Variants in PDGFC observed in about 807,000 individuals in gnomAD.
PDGFC encodes platelet-derived growth factor C.
Under a neutral mutation model 35.5 loss-of-function variants are expected in PDGFC, and 12 were observed. The ratio of observed to expected loss-of-function variants is 0.34; its 90% CI spans 0.22 to 0.55. PDGFC has a LOEUF of 0.55. Ranked by LOEUF, PDGFC falls within the 20% of genes least tolerant of loss-of-function variation. The pLI, the probability that PDGFC is intolerant of heterozygous loss-of-function variation, is 0.91. For missense variants in PDGFC, 322 were observed against 412.4 expected (o/e 0.78, Z 1.90); for synonymous variants, 159 against 148.8 (o/e 1.07, Z -0.50).
intron 1 of PDGFC, among the ~76,000 whole-genome samples, chr4:156,902,969 T>C (rs920223360): frequency 2.0e-5 from 3 of 152,076 alleles, no homozygotes; most frequent in African/African-American, 4.8e-5. Flanking sequence ...TGAAAATCGA[T>C]TGATAGAGCC....
At chr4:156,838,730 A>G (rs1729127800) in intron 2 of PDGFC, among the ~76,000 whole-genome samples, 1 of 152,190 alleles carries the variant, frequency 6.6e-6, no homozygotes, top group South Asian at 2.1e-4. Context: ...TCACTTGCTG[A>G]TATGATTTGG....
chr4:156,821,698 C>T (rs6842012), intron 2 of PDGFC, among the ~76,000 whole-genome samples: 1 of 152,080 alleles, frequency 6.6e-6, no homozygotes. Flanking sequence ...CAGGTGTGCA[C>T]CACCATGGCC....
intron 1 of PDGFC, among the ~76,000 whole-genome samples, chr4:156,916,212 G>A (rs907834729): frequency 6.6e-6 from 1 of 152,024 alleles, no homozygotes; most frequent in Admixed American, 6.6e-5. Flanking sequence ...AGGCCTTTAC[G>A]ATATTTACAG....
chr4:156,922,200 G>GTGCATC (rs1731302475), intron 1 of PDGFC, among the ~76,000 whole-genome samples: 5 of 151,432 alleles, frequency 3.3e-5, no homozygotes, highest in African/African-American at 1.2e-4. Context: ...GTGCATCTGT[G>GTGCATC]TGTGTGTGTA....
intron 1 of PDGFC, among the ~76,000 whole-genome samples, chr4:156,899,990 A>C (rs574955866): frequency 7.9e-5 from 12 of 152,174 alleles, no homozygotes; most frequent in Non-Finnish European, 1.8e-4. Context: ...ACTTATCATA[A>C]TTCATTTATA....
chr4:156,867,774 AT>A, intron 1 of PDGFC, among the ~76,000 whole-genome samples: 1 of 152,328 alleles, frequency 6.6e-6, no homozygotes. Context: ...AAAACTGAAA[AT>A]ATGAAACCCC....
intron 3 of PDGFC, among the ~76,000 whole-genome samples, chr4:156,778,922 G>A (rs927677573): frequency 4.6e-5 from 7 of 152,188 alleles, no homozygotes; most frequent in Non-Finnish European, 8.8e-5. Context: ...GGTTAGGAAT[G>A]CAGATTAGGT....
intron 1 of PDGFC, among the ~76,000 whole-genome samples, chr4:156,885,397 T>C (rs1730352196): frequency 6.6e-6 from 1 of 152,166 alleles, no homozygotes; most frequent in Admixed American, 6.5e-5. Context: ...AAAATGAAAA[T>C]TTTAAAATTT....
At chr4:156,900,113 T>C (rs1730731648) in intron 1 of PDGFC, among the ~76,000 whole-genome samples, 1 of 152,236 alleles carries the variant, frequency 6.6e-6, no homozygotes, top group Non-Finnish European at 1.5e-5. Flanking sequence ...CCTCCTCATC[T>C]ACCCAGTCAT....
intron 3 of PDGFC, among the ~76,000 whole-genome samples, chr4:156,792,225 T>C (rs1382829094): frequency 2.0e-5 from 3 of 152,104 alleles, no homozygotes; most frequent in Admixed American, 1.3e-4. Context: ...AATACTAATA[T>C]CTATATAATA....
chr4:156,846,408 T>C (rs963875002), intron 2 of PDGFC, among the ~76,000 whole-genome samples: 1 of 151,718 alleles, frequency 6.6e-6, no homozygotes, highest in African/African-American at 2.4e-5. Flanking sequence ...AGAGATCTAA[T>C]TATGAAGAAA....
intron 1 of PDGFC, among the ~76,000 whole-genome samples, chr4:156,871,606 C>T (rs1306519636): frequency 6.6e-6 from 1 of 151,790 alleles, no homozygotes; most frequent in Non-Finnish European, 1.5e-5. Context: ...GAAAATGTGC[C>T]TAAAATATTT....
At chr4:156,921,532 A>C (rs1731281191) in intron 1 of PDGFC, among the ~76,000 whole-genome samples, 1 of 148,260 alleles carries the variant, frequency 6.7e-6, no homozygotes, top group Non-Finnish European at 1.5e-5. Flanking sequence ...AGAAAATTAG[A>C]AAGAGAAGAG....
intron 1 of PDGFC, among the ~76,000 whole-genome samples, chr4:156,917,701 A>C (rs1248018401): frequency 6.6e-6 from 1 of 152,258 alleles, no homozygotes; most frequent in Admixed American, 6.5e-5. Flanking sequence ...AATCTTTAAC[A>C]AATTAACTTA....
At chr4:156,883,115 G>A (rs1056649781) in intron 1 of PDGFC, among the ~76,000 whole-genome samples, 2 of 151,426 alleles carry the variant, frequency 1.3e-5, no homozygotes, top group African/African-American at 4.9e-5. Flanking sequence ...ATGCCACTGA[G>A]TAACTCTCAC....
At chr4:156,888,875 T>C (rs965930998) in intron 1 of PDGFC, among the ~76,000 whole-genome samples, 2 of 152,196 alleles carry the variant, frequency 1.3e-5, no homozygotes, top group African/African-American at 4.8e-5. Context: ...GAGAGATTGC[T>C]CACCCAAGAA....
chr4:156,785,131 A>G (rs989210652), intron 3 of PDGFC, among the ~76,000 whole-genome samples: 7 of 152,226 alleles, frequency 4.6e-5, no homozygotes, highest in African/African-American at 1.4e-4. Context: ...TAAACTATAA[A>G]GCAAACAGGA....
At chr4:156,865,280 A>G (rs1271164923) in intron 1 of PDGFC, among the ~76,000 whole-genome samples, 1 of 151,948 alleles carries the variant, frequency 6.6e-6, no homozygotes, top group Non-Finnish European at 1.5e-5. Context: ...CATACTTCCA[A>G]CGTAACTCTA....
chr4:156,884,040 C>T (rs551660667), intron 1 of PDGFC, among the ~76,000 whole-genome samples: 9 of 152,250 alleles, frequency 5.9e-5, no homozygotes, highest in African/African-American at 2.2e-4. Flanking sequence ...AGTACAAGAA[C>T]TAAAAGCAAC....
Sources: gnomAD v4.1 joint callset for allele counts (sites outside exome capture counted in the v4.1 genomes callset) on GRCh38, gnomAD v4.1.1 for gene constraint, MANE v1.5 for transcripts, NCBI Gene and HGNC (gene_info 2026-07-23, HGNC 2026-07-21) for gene names.